The following HIVEP3 variants were observed in gnomAD, a reference collection of about 807,000 sequenced individuals.
HIVEP3 encodes the protein HIVEP zinc finger 3, also known as transcription factor HIVEP3.
Under a neutral mutation model 152.8 loss-of-function variants are expected in HIVEP3, and 49 were observed. That is an observed-to-expected ratio of 0.32 (90% CI 0.26 to 0.41). The LOEUF (loss-of-function observed/expected upper bound fraction) is 0.41. Among genes scored for constraint, HIVEP3 ranks in the 10% least tolerant of loss-of-function variants. The probability of loss-of-function intolerance (pLI) is 1.00; values close to 1 mark genes in which losing one functional copy is unlikely to be tolerated. For missense variants in HIVEP3, 2,790 were observed against 3,103.3 expected (o/e 0.90, Z 2.40); for synonymous variants, 1,269 against 1,289.0 (o/e 0.98, Z 0.33).
Position 41,583,708 on chromosome 1 carries a change from G to C in HIVEP3, c.1090C>G (p.Leu364Val). 1 of 1,611,998 alleles carries C rather than the reference G, an allele frequency of 6.2e-7. No individual in the cohort carries two copies. The highest frequency in any genetic ancestry group is 8.5e-7 in the Non-Finnish European group (1 of 1,178,852). The stretch of plus-strand genomic sequence containing the variant: ...TTCCTCTCGCTTAAGCGGAGGGCCA[G>C]CTTCTGCTTAATCGTGTGGGTGTCT... ...PEDTHTIKQK[L>V]ALRLSERKKV... The change falls in exon 4 of 9, where the codon CTG (leucine) becomes GTG (valine). Residue 364 changes from leucine to valine, a missense_variant. By Grantham distance (32) the Leu-to-Val change is conservative. Around this residue, in one of 9 missense-constraint regions of HIVEP3, gnomAD observed 134 missense variants for 242.5 expected, o/e 0.55. Transcript: ENST00000372583. The surrounding 1 kb of genome is among the most constrained non-coding windows in gnomAD (Gnocchi z 6.9).
chr1:41,712,609 C>T (rs1024707238), intron 1 of HIVEP3, among the ~76,000 whole-genome samples: 3 of 152,216 alleles, frequency 2.0e-5, no homozygotes, highest in East Asian at 1.9e-4. Context: ...ACAATAAAGG[C>T]TCTGCCCTTC....
intron 1 of HIVEP3, among the ~76,000 whole-genome samples, chr1:41,893,716 TTGTG>T (rs199825615): frequency 6.7e-6 from 1 of 149,994 alleles, no homozygotes; most frequent in African/African-American, 2.4e-5. Context: ...GTGTATGTGT[TTGTG>T]TGTGTGTATA....
intron 2 of HIVEP3, among the ~76,000 whole-genome samples, chr1:41,645,943 C>A (rs34288351): frequency 0.013 from 2,011 of 152,276 alleles, 18 homozygotes; most frequent in Middle Eastern, 0.037. Flanking sequence ...ATTTGCACGA[C>A]CCCGAGGAAA....
intron 5 of HIVEP3, among the ~76,000 whole-genome samples, chr1:41,562,575 T>TTTCC (rs138592366): frequency 0.1 from 13,053 of 127,806 alleles, 1,185 homozygotes; most frequent in East Asian, 0.17. Flanking sequence ...CTTTCCTTCT[T>TTTCC]TTCCTTCCTT....
At chr1:41,697,571 AG>A (rs1390035049) in intron 2 of HIVEP3, among the ~76,000 whole-genome samples, 1 of 152,176 alleles carries the variant, frequency 6.6e-6, no homozygotes, top group Non-Finnish European at 1.5e-5. Context: ...ACTGGCTGGC[AG>A]GTGTCAGGCC....
At chr1:41,679,830 G>A (rs906501848) in intron 2 of HIVEP3, among the ~76,000 whole-genome samples, 5 of 152,226 alleles carry the variant, frequency 3.3e-5, no homozygotes, top group African/African-American at 1.2e-4. Context: ...GATGCTCTGG[G>A]CTTGCCTCTA....
At chr1:41,913,676 C>A (rs1438324047) in intron 1 of HIVEP3, among the ~76,000 whole-genome samples, 2 of 152,218 alleles carry the variant, frequency 1.3e-5, no homozygotes, top group African/African-American at 4.8e-5. Context: ...GCATTACAGG[C>A]ATGAGCCACT....
chr1:41,738,006 T>C (rs1261504391), intron 1 of HIVEP3, among the ~76,000 whole-genome samples: 2 of 152,218 alleles, frequency 1.3e-5, no homozygotes, highest in Non-Finnish European at 2.9e-5. Flanking sequence ...ATCCATGCCA[T>C]GTCTATAGAG....
chr1:41,780,752 T>C (rs979299990), intron 1 of HIVEP3, among the ~76,000 whole-genome samples: 1 of 151,982 alleles, frequency 6.6e-6, no homozygotes, highest in Non-Finnish European at 1.5e-5. Flanking sequence ...AGCAACCAGG[T>C]CAAATCTCAC....
At chr1:41,545,353 TCGC>T (rs1643737031) in intron 5 of HIVEP3, among the ~76,000 whole-genome samples, 1 of 36,866 alleles carries the variant, frequency 2.7e-5, no homozygotes, top group East Asian at 9.5e-4. Flanking sequence ...ACCACCATCA[TCGC>T]CACCATCACC....
chr1:41,753,670 AAAAT>A (rs3064234), intron 1 of HIVEP3, among the ~76,000 whole-genome samples: 6,952 of 141,034 alleles, frequency 0.049, 525 homozygotes, highest in African/African-American at 0.17. Flanking sequence ...CGCCGTCTCA[AAAAT>A]AAATAAATAA....
chr1:41,983,774 T>C (rs1645307124), intron 1 of HIVEP3, among the ~76,000 whole-genome samples: 1 of 151,998 alleles, frequency 6.6e-6, no homozygotes, highest in Non-Finnish European at 1.5e-5. Context: ...GGTTTGTTTT[T>C]AATTAAAAAG....
intron 8 of HIVEP3, among the ~76,000 whole-genome samples, chr1:41,512,099 T>C (rs1440963625): frequency 6.6e-6 from 1 of 152,058 alleles, no homozygotes; most frequent in African/African-American, 2.4e-5. Context: ...GGATGGGGAA[T>C]TGCACGAGTA....
chr1:41,801,668 C>T (rs145232254), intron 1 of HIVEP3, among the ~76,000 whole-genome samples: 36 of 151,852 alleles, frequency 2.4e-4, no homozygotes, highest in African/African-American at 7.5e-4. Context: ...TGTGTGAACC[C>T]GGGAGGCGGA....
At chr1:41,532,602 A>C (rs1643294100) in intron 5 of HIVEP3, among the ~76,000 whole-genome samples, 1 of 152,154 alleles carries the variant, frequency 6.6e-6, no homozygotes, top group East Asian at 1.9e-4. Context: ...CAGCGATTTG[A>C]GATGCCTTCT....
intron 7 of HIVEP3, among the ~76,000 whole-genome samples, chr1:41,514,576 T>A (rs755369639): frequency 6.6e-5 from 10 of 152,204 alleles, no homozygotes; most frequent in Non-Finnish European, 1.3e-4. Flanking sequence ...GCCACGCTCT[T>A]ATCTGAGGAG....
intron 2 of HIVEP3, among the ~76,000 whole-genome samples, chr1:41,694,082 T>C (rs1009810915): frequency 7.9e-5 from 12 of 152,144 alleles, no homozygotes; most frequent in Admixed American, 6.5e-5. Context: ...TTATGAAAAA[T>C]TTTTTTTGGG....
chr1:41,925,028 C>T (rs1049414881), intron 1 of HIVEP3, among the ~76,000 whole-genome samples: 3 of 152,180 alleles, frequency 2.0e-5, no homozygotes, highest in African/African-American at 7.2e-5. Flanking sequence ...TCCAGACTCA[C>T]CACCATGCTT....
At chr1:41,894,358 A>G (rs1644496428) in intron 1 of HIVEP3, among the ~76,000 whole-genome samples, 1 of 152,100 alleles carries the variant, frequency 6.6e-6, no homozygotes, top group African/African-American at 2.4e-5. Flanking sequence ...TGGAGCCACA[A>G]CCTACACTCT....
Sources: gnomAD v4.1 joint callset for allele counts (sites outside exome capture counted in the v4.1 genomes callset) on GRCh38, gnomAD v4.1.1 for gene constraint, gnomAD v4.1.1 regional missense constraint, Gnocchi (gnomAD v3.1) non-coding constraint, MANE v1.5 for transcripts, NCBI Gene and HGNC (gene_info 2026-07-23, HGNC 2026-07-21) for gene names.